Variants in PCCA observed in about 807,000 individuals in gnomAD.
PCCA encodes the protein propionyl-CoA carboxylase alpha chain, mitochondrial.
PCCA carries 74 observed loss-of-function variants against 101.3 expected under a neutral mutation model. That is an observed-to-expected ratio of 0.73 (90% CI 0.61 to 0.89). The LOEUF is 0.89. PCCA is among the 40% of genes least tolerant of loss of function. PCCA has a pLI of 0.00. For missense variants in PCCA, 891 were observed against 907.0 expected (o/e 0.98, Z 0.23); for synonymous variants, 294 against 313.6 (o/e 0.94, Z 0.66).
intron 6 of PCCA, among the ~76,000 whole-genome samples, chr13:100,197,602 C>A (rs1228132520): frequency 6.6e-6 from 1 of 152,056 alleles, no homozygotes. Context: ...TGCCACCATG[C>A]CCAGCTAATT....
intron 5 of PCCA, among the ~76,000 whole-genome samples, chr13:100,156,077 T>C (rs767070207): frequency 1.5e-4 from 23 of 152,218 alleles, no homozygotes; most frequent in Non-Finnish European, 2.6e-4. Flanking sequence ...TTTTTTGTTT[T>C]GTTTTTTGAG....
intron 19 of PCCA, among the ~76,000 whole-genome samples, chr13:100,396,723 A>G (rs149326140): frequency 6.6e-6 from 1 of 152,346 alleles, no homozygotes; most frequent in Non-Finnish European, 1.5e-5. Context: ...ATATTTTTAC[A>G]TTCTAATATT....
At chr13:100,401,710 G>T (rs553898550) in intron 19 of PCCA, among the ~76,000 whole-genome samples, 2 of 152,126 alleles carry the variant, frequency 1.3e-5, no homozygotes, top group East Asian at 3.9e-4. Flanking sequence ...TTTCTGGTAA[G>T]TGCTACCAAA....
intron 4 of PCCA, among the ~76,000 whole-genome samples, chr13:100,126,006 T>C (rs755127243): frequency 1.2e-4 from 18 of 152,286 alleles, no homozygotes; most frequent in Non-Finnish European, 2.5e-4. Flanking sequence ...ATGGGAATTA[T>C]GACGATTATG....
At chr13:100,244,031 A>G (rs558494993) in intron 8 of PCCA, among the ~76,000 whole-genome samples, 10 of 152,292 alleles carry the variant, frequency 6.6e-5, no homozygotes, top group South Asian at 4.1e-4. Flanking sequence ...CTCTGGGGTT[A>G]AGGTTATATG....
rs373072317 is a variant in PCCA at position 100,511,272 on chromosome 13, C to T, written c.1900-4155C>T. Among the ~76,000 whole-genome samples the T allele has an allele frequency of 5.9e-5, 9 of 152,180 alleles. No homozygotes were observed. The East Asian group carries it at 1.5e-3, about 26-fold the overall frequency. On this transcript the variant is annotated intron_variant, in intron 21 of 23. Coordinates refer to ENST00000376285, the MANE Select transcript of PCCA (RefSeq NM_000282.4). ...TTCGCGCTTTCCATCACTTTAAAAA[C>T]ACTGACACTGTTTCTCCAGCTCTGA...
At chr13:100,382,415 A>G (rs1039157154) in intron 19 of PCCA, among the ~76,000 whole-genome samples, 11 of 152,192 alleles carry the variant, frequency 7.2e-5, no homozygotes, top group Admixed American at 2.0e-4. Context: ...GGGTGGGGCC[A>G]TGGGTAGTTT....
At chr13:100,264,053 GTA>G (rs1276783334) in intron 10 of PCCA, among the ~76,000 whole-genome samples, 230 of 136,076 alleles carry the variant, frequency 1.7e-3, no homozygotes, top group African/African-American at 6.0e-3. Flanking sequence ...TCTGTATATC[GTA>G]TATATACGGT....
chr13:100,205,538 C>CTTTTTTTTTTTTTTTTTTTTTTTTTT (rs3034652), intron 6 of PCCA, among the ~76,000 whole-genome samples: 1 of 112,136 alleles, frequency 8.9e-6, no homozygotes, highest in Admixed American at 1.0e-4. Flanking sequence ...TTGATATAAG[C>CTTTTTTTTTTTTTTTTTTTTTTTTTT]TTTTTTTTTT....
intron 21 of PCCA, among the ~76,000 whole-genome samples, chr13:100,468,900 G>T (rs1489193985): frequency 2.0e-5 from 3 of 151,924 alleles, no homozygotes; most frequent in African/African-American, 7.3e-5. Context: ...TAGAAAGATG[G>T]TGGAGCAAGA....
chr13:100,316,782 T>C (rs562702967), intron 16 of PCCA, among the ~76,000 whole-genome samples: 1 of 151,784 alleles, frequency 6.6e-6, no homozygotes, highest in Non-Finnish European at 1.5e-5. Context: ...TAGTATTCTT[T>C]TTTTTTTTGG....
chr13:100,356,633 GT>G (rs902560484), intron 18 of PCCA, among the ~76,000 whole-genome samples: 7 of 152,138 alleles, frequency 4.6e-5, no homozygotes, highest in Non-Finnish European at 7.4e-5. Flanking sequence ...TATGACTACA[GT>G]GATATGAACT....
intron 6 of PCCA, among the ~76,000 whole-genome samples, chr13:100,207,039 G>A (rs778761338): frequency 6.6e-6 from 1 of 152,156 alleles, no homozygotes; most frequent in Non-Finnish European, 1.5e-5. Flanking sequence ...ATTTCCTTAT[G>A]CAGGCTCCGG....
At chr13:100,161,386 C>G (rs977476388) in intron 6 of PCCA, 3 of 152,142 alleles carry the variant, frequency 2.0e-5, no homozygotes, top group African/African-American at 7.2e-5. Flanking sequence ...AGAAAATGTT[C>G]ATGGTAAGGT....
intron 21 of PCCA, among the ~76,000 whole-genome samples, chr13:100,488,235 A>T (rs1490345012): frequency 2.6e-5 from 4 of 152,126 alleles, no homozygotes; most frequent in African/African-American, 9.7e-5. Flanking sequence ...CTGGGATTAC[A>T]GGCATGCGCC....
chr13:100,240,578 T>C (rs2061066106), intron 8 of PCCA, among the ~76,000 whole-genome samples: 1 of 151,822 alleles, frequency 6.6e-6, no homozygotes, highest in African/African-American at 2.4e-5. Flanking sequence ...ATTCATGATT[T>C]GCAGATTTTT....
intron 22 of PCCA, among the ~76,000 whole-genome samples, chr13:100,519,096 G>A (rs1024938432): frequency 3.3e-5 from 5 of 152,124 alleles, no homozygotes; most frequent in African/African-American, 9.7e-5. Context: ...AGTCACCCAA[G>A]GAGGCATTTT....
At chr13:100,442,649 C>T (rs1226134672) in intron 20 of PCCA, among the ~76,000 whole-genome samples, 1 of 152,162 alleles carries the variant, frequency 6.6e-6, no homozygotes, top group Non-Finnish European at 1.5e-5. Context: ...ACAAGACTTA[C>T]CTTCCAGCAG....
intron 10 of PCCA, among the ~76,000 whole-genome samples, chr13:100,265,491 T>G (rs1165715266): frequency 6.6e-6 from 1 of 152,200 alleles, no homozygotes; most frequent in East Asian, 1.9e-4. Context: ...CAGATAGTTT[T>G]CATTCTCTTT....
Sources: gnomAD v4.1 joint callset for allele counts (sites outside exome capture counted in the v4.1 genomes callset) on GRCh38, gnomAD v4.1.1 for gene constraint, MANE v1.5 for transcripts, NCBI Gene and HGNC (gene_info 2026-07-23, HGNC 2026-07-21) for gene names.